SPTA1: variants seen among roughly 807,000 people sequenced by gnomAD.
The protein encoded by SPTA1 is spectrin alpha, erythrocytic 1, also known as spectrin alpha chain, erythrocytic 1.
SPTA1 carries 177 observed loss-of-function variants against 324.7 expected under a neutral mutation model. The ratio of observed to expected loss-of-function variants is 0.55; its 90% CI spans 0.48 to 0.62. The LOEUF (loss-of-function observed/expected upper bound fraction) is 0.62, where lower values mean the gene tolerates loss of function less well. Among genes scored for constraint, SPTA1 ranks in the 20% least tolerant of loss-of-function variants. The probability of loss-of-function intolerance (pLI) is 0.00; values close to 1 mark genes in which losing one functional copy is unlikely to be tolerated. For missense variants in SPTA1, 3,162 were observed against 2,883.6 expected, an observed-to-expected ratio of 1.10 and a Z score of -2.21; for synonymous variants, 1,195 against 1,041.3, an observed-to-expected ratio of 1.15 and a Z score of -2.84.
At chr1:158,638,792 G>A (rs559454811) in intron 35 of SPTA1, among the ~76,000 whole-genome samples, 13 of 147,126 alleles carry the variant, frequency 8.8e-5, no homozygotes, top group African/African-American at 2.5e-4. Flanking sequence ...GCAATCATTC[G>A]TTCCCATACA....
In SPTA1 at chr1:158,643,331, A is replaced by T. The variant is rs1248871489; in HGVS notation, c.4433T>A (p.Val1478Glu). The T allele has an allele frequency of 1.9e-6, 3 of 1,613,770 alleles. No homozygotes were observed. In the South Asian group the frequency reaches 3.3e-5, roughly 18 times the overall value. Reference protein sequence around the residue: ...KEEIATRLQRVLDRWKALKAQ... With the variant: ...KEEIATRLQRELDRWKALKAQ... ...ATCACTCAGGCCTGACCTGTCTAGT[A>T]CACGTTGGAGCCGCGTAGCAATCTC... The change falls in exon 31 of 52, where the codon GTA (valine) becomes GAA (glutamate). Residue 1478 changes from valine to glutamate, a missense_variant. Val to Glu is a moderately radical substitution (Grantham distance 121). Transcript: ENST00000643759.
chr1:158,674,728 C>T, intron 8 of SPTA1, 53 bp from the exon 9 acceptor site: 1 of 1,607,110 alleles, frequency 6.2e-7, no homozygotes, highest in Admixed American at 1.7e-5. Flanking sequence ...TATGAAAGGA[C>T]ATTGAACAAA....
At chr1:158,666,788 GT>G (rs530162842) in intron 15 of SPTA1, among the ~76,000 whole-genome samples, 18 of 152,140 alleles carry the variant, frequency 1.2e-4, no homozygotes, top group Non-Finnish European at 2.4e-4. Flanking sequence ...GTTTCCTTAT[GT>G]GATTTTTACT....
At chr1:158,626,512 A>G (rs1295786067) in intron 41 of SPTA1, among the ~76,000 whole-genome samples, 5 of 152,178 alleles carry the variant, frequency 3.3e-5, no homozygotes, top group Admixed American at 3.3e-4. Context: ...AACATTTTAG[A>G]TTGTTTCTTA....
At chr1:158,672,012 G>A (rs780547377) in intron 11 of SPTA1, 47 bp downstream of exon 11, 1 of 1,611,210 alleles carries the variant, frequency 6.2e-7, no homozygotes, top group Non-Finnish European at 8.5e-7. Context: ...GGCAAATGAA[G>A]GGTGAGAGAA....
At chr1:158,614,473 C>T (rs554123015) in intron 48 of SPTA1, 167 bp from the exon 49 acceptor site, 36 of 615,422 alleles carry the variant, frequency 5.8e-5, no homozygotes, top group Middle Eastern at 4.2e-4. Context: ...AGGCTGCCAC[C>T]TGCTTTTGTA....
chr1:158,647,016 C>T lies in SPTA1; in HGVS notation c.3896+523G>A, dbSNP rs371287759. Among the ~76,000 whole-genome samples, 9 of 152,142 alleles carry T rather than the reference C, an allele frequency of 5.9e-5. No individual in the cohort carries two copies. In the East Asian group the frequency reaches 9.6e-4, roughly 16 times the overall value. On this transcript the variant is annotated intron_variant, in intron 27 of 51. Transcript: ENST00000643759. ...TCTTACTACTTCTCCTTACCACCCC[C>T]TCCCCAAACATGTTCTTATGCTTAT...
At chr1:158,625,954 G>T (rs1359934778) in intron 42 of SPTA1, among the ~76,000 whole-genome samples, 192 bp downstream of exon 42, 1 of 151,800 alleles carries the variant, frequency 6.6e-6, no homozygotes, top group Non-Finnish European at 1.5e-5. Context: ...AAAAAAAATT[G>T]ATGAAAACCC....
chr1:158,626,644 C>A (rs1557930256), intron 41 of SPTA1, among the ~76,000 whole-genome samples, 195 bp downstream of exon 41: 1 of 151,802 alleles, frequency 6.6e-6, no homozygotes, highest in Non-Finnish European at 1.5e-5. Context: ...CTCTTTCTCA[C>A]TTTGTGTGTG....
intron 25 of SPTA1, among the ~76,000 whole-genome samples, chr1:158,649,461 T>C (rs879810694): frequency 6.6e-6 from 1 of 152,152 alleles, no homozygotes; most frequent in Non-Finnish European, 1.5e-5. Flanking sequence ...TCATTTTTTA[T>C]TTTTTTGTGG....
At chr1:158,619,149 C>A (rs757743080) in intron 45 of SPTA1, 73 bp downstream of exon 45, 55 of 1,403,698 alleles carry the variant, frequency 3.9e-5, no homozygotes, top group Non-Finnish European at 5.2e-5. Flanking sequence ...CTCTTCCCTT[C>A]AAACATGTAT....
chr1:158,652,346 T>A (rs995593687), intron 23 of SPTA1, 121 bp downstream of exon 23: 1 of 1,136,478 alleles, frequency 8.8e-7, no homozygotes. Flanking sequence ...AGCCACAGAG[T>A]TGCCAATAGC....
At chr1:158,656,037 G>A (rs1652799976) in intron 20 of SPTA1, among the ~76,000 whole-genome samples, 1 of 152,048 alleles carries the variant, frequency 6.6e-6, no homozygotes, top group African/African-American at 2.4e-5. Flanking sequence ...CTGTTTTCCA[G>A]TACTGTTATT....
chr1:158,657,747 A>C, intron 18 of SPTA1, 53 bp from the exon 19 acceptor site: 1 of 1,549,208 alleles, frequency 6.5e-7, no homozygotes. Context: ...TGTTTACCAT[A>C]CTCTAATCCT....
chr1:158,656,642 C>A lies in SPTA1; in HGVS notation c.2820G>T (p.Lys940Asn), dbSNP rs759064678. 1.2e-6 allele frequency: 2 copies of A among 1,613,464 alleles called. No individual in the cohort carries two copies. The highest frequency in any genetic ancestry group is 1.7e-6 in the Non-Finnish European group (2 of 1,179,812). The change falls in exon 20 of 52, where the codon AAG becomes AAT. Residue 940 changes from lysine (K) to asparagine (N), a missense_variant. Transcript: ENST00000643759. ...DEEAAGALLK[K>N]HEAFLLDLNS... ...TGAGATCTAATAGAAAGGCCTCATGCTTCTTTAGAAGAGCCTGCATTTATT... is the reference window on the plus strand; with the variant it reads ...TGAGATCTAATAGAAAGGCCTCATGATTCTTTAGAAGAGCCTGCATTTATT...
At chr1:158,617,677 A>G (rs1450002532) in intron 46 of SPTA1, 89 bp from the exon 47 acceptor site, 4 of 1,303,798 alleles carry the variant, frequency 3.1e-6, no homozygotes, top group Non-Finnish European at 4.4e-6. Flanking sequence ...CTCTGTTTCA[A>G]CTTCTCCAAG....
intron 39 of SPTA1, among the ~76,000 whole-genome samples, chr1:158,630,815 ATAAAAG>A: frequency 6.6e-6 from 1 of 152,164 alleles, no homozygotes; most frequent in African/African-American, 2.4e-5. Context: ...AAAAATAAAA[ATAAAAG>A]TAAAAAACCC....
intron 12 of SPTA1, 81 bp downstream of exon 12, chr1:158,671,262 A>C (rs1654001007): frequency 3.1e-6 from 3 of 959,894 alleles, no homozygotes; most frequent in South Asian, 2.7e-5. Flanking sequence ...TTACAGGAGC[A>C]ATGCTGTCTG....
rs374298000 is a variant in SPTA1, at chr1:158,639,883, A to T, written c.4862T>A (p.Phe1621Tyr). The change falls in exon 34 of 52, where the codon TTC becomes TAC. Residue 1621 changes from phenylalanine (F) to tyrosine (Y), a missense_variant. Transcript: ENST00000643759. ...RFNTSIRDFE[F>Y]WLSEAETLLA... is the part of the protein sequence containing the mutation. Reference sequence around the variant, plus strand: ...GGGTGCAATTACCTCTGAGAGCCAGAACTCAAAGTCCCGGATGCTTGTGTT... The same window carrying T: ...GGGTGCAATTACCTCTGAGAGCCAGTACTCAAAGTCCCGGATGCTTGTGTT... 1.2e-4 allele frequency: 195 copies of T among 1,613,966 alleles called. No individual in the cohort carries two copies. The African/African-American group carries it at 2.3e-3, about 19-fold the overall frequency.
Sources: gnomAD v4.1 joint callset for allele counts (sites outside exome capture counted in the v4.1 genomes callset) on GRCh38, gnomAD v4.1.1 for gene constraint, MANE v1.5 for transcripts, NCBI Gene and HGNC (gene_info 2026-07-23, HGNC 2026-07-21) for gene names.